CAMTA1: variants seen among roughly 807,000 people sequenced by gnomAD.
The protein encoded by CAMTA1 is calmodulin binding transcription activator 1.
In CAMTA1, 27 loss-of-function variants were observed where a neutral mutation model predicts 170.9. The ratio of observed to expected loss-of-function variants is 0.16; its 90% CI spans 0.12 to 0.22. The LOEUF (loss-of-function observed/expected upper bound fraction) is 0.22. Among genes scored for constraint, CAMTA1 ranks in the 10% least tolerant of loss-of-function variants. The pLI, the probability that CAMTA1 is intolerant of heterozygous loss-of-function variation, is 1.00. For synonymous variants in CAMTA1, 833 were observed against 891.5 expected, an observed-to-expected ratio of 0.93 and a Z score of 1.17; for missense variants, 1,619 against 2,217.2, an observed-to-expected ratio of 0.73 and a Z score of 5.42.
chr1:6,984,480 G>A (rs114363944), intron 3 of CAMTA1, among the ~76,000 whole-genome samples: 2,381 of 152,074 alleles, frequency 0.016, 33 homozygotes, highest in African/African-American at 0.035. Context: ...GGTGTGGGGT[G>A]GTGCGGGGCT....
chr1:6,998,296 G>T (rs955456233), intron 3 of CAMTA1, among the ~76,000 whole-genome samples: 2 of 151,866 alleles, frequency 1.3e-5, no homozygotes, highest in African/African-American at 2.4e-5. Flanking sequence ...TGGCCAGGCT[G>T]GTCTGACCTC....
At chr1:7,704,985 G>A (rs1378516457) in intron 11 of CAMTA1, among the ~76,000 whole-genome samples, 1 of 78,666 alleles carries the variant, frequency 1.3e-5, no homozygotes, top group Admixed American at 1.2e-4. Flanking sequence ...GGGCGGGGCC[G>A]GGGCGTGGGG....
intron 3 of CAMTA1, among the ~76,000 whole-genome samples, chr1:6,841,645 G>C (rs1046193437): frequency 6.6e-6 from 1 of 152,194 alleles, no homozygotes; most frequent in Non-Finnish European, 1.5e-5. Flanking sequence ...ACAGCTCTGA[G>C]AGGATGAAAT....
intron 3 of CAMTA1, among the ~76,000 whole-genome samples, chr1:7,001,785 T>C (rs1041529600): frequency 1.3e-5 from 2 of 152,278 alleles, no homozygotes; most frequent in African/African-American, 4.8e-5. Context: ...GAGGAACGGC[T>C]GTGCCACCTT....
At chr1:7,185,110 A>G (rs192397906) in intron 4 of CAMTA1, among the ~76,000 whole-genome samples, 23 of 152,346 alleles carry the variant, frequency 1.5e-4, no homozygotes, top group African/African-American at 5.1e-4. Flanking sequence ...AAGGTATAGA[A>G]GGCTAGAATT....
chr1:7,086,976 G>C (rs1247761997), intron 3 of CAMTA1, among the ~76,000 whole-genome samples: 6 of 152,228 alleles, frequency 3.9e-5, no homozygotes, highest in African/African-American at 1.4e-4. Flanking sequence ...TGTTTGAGGG[G>C]CTGCAAGTGC....
At chr1:7,414,907 T>C (rs1414326296) in intron 5 of CAMTA1, among the ~76,000 whole-genome samples, 1 of 152,084 alleles carries the variant, frequency 6.6e-6, no homozygotes, top group African/African-American at 2.4e-5. Flanking sequence ...GTGCTATAAA[T>C]TTCCCTCTAC....
intron 3 of CAMTA1, among the ~76,000 whole-genome samples, chr1:6,922,394 G>A (rs2149328671): frequency 1.3e-5 from 1 of 75,996 alleles, no homozygotes; most frequent in African/African-American, 4.9e-5. Context: ...TCTGGGGCTG[G>A]CCCAAGCAGC....
At chr1:7,058,989 T>C (rs953687073) in intron 3 of CAMTA1, among the ~76,000 whole-genome samples, 3 of 152,148 alleles carry the variant, frequency 2.0e-5, no homozygotes, top group African/African-American at 7.2e-5. Context: ...CCCACAGACC[T>C]GAGTTCGTGG....
chr1:6,951,965 C>G (rs888197906), intron 3 of CAMTA1, among the ~76,000 whole-genome samples: 4 of 152,198 alleles, frequency 2.6e-5, no homozygotes, highest in African/African-American at 9.7e-5. Context: ...TGGCTTCCTG[C>G]TGCTCCCTTG....
chr1:7,413,037 C>G (rs1157588829), intron 5 of CAMTA1, among the ~76,000 whole-genome samples: 6 of 150,408 alleles, frequency 4.0e-5, no homozygotes, highest in South Asian at 4.2e-4. Context: ...GCTTGTTTTT[C>G]TCAGGTTTGT....
chr1:7,441,079 A>G (rs2092517299), intron 5 of CAMTA1: 1 of 152,146 alleles, frequency 6.6e-6, no homozygotes, highest in Non-Finnish European at 1.5e-5. Context: ...CTTACCCCCA[A>G]GTGCTCACCT....
chr1:7,702,479 C>G (rs1324179787), intron 11 of CAMTA1, among the ~76,000 whole-genome samples: 1 of 152,154 alleles, frequency 6.6e-6, no homozygotes. Context: ...CTTTAGAGTA[C>G]AGAGGCAGGC....
chr1:7,393,690 C>A lies in CAMTA1; in HGVS notation c.439-74140C>A, dbSNP rs958595993. 1.2e-4 allele frequency among the ~76,000 whole-genome samples: 19 copies of A among 152,164 alleles called. 1 individual carries two copies. Among genetic ancestry groups the A allele is most frequent in the Non-Finnish European group, 2.2e-4 (15 of 68,030 alleles). On this transcript the variant is annotated intron_variant, in intron 5 of 22. Coordinates refer to ENST00000303635, the MANE Select transcript of CAMTA1 (RefSeq NM_015215.4). ...GCATATTTAGCACCTCACACATATACCATTTCTTTGAGGTGAAAACATTTA... is the reference window on the plus strand; with the variant it reads ...GCATATTTAGCACCTCACACATATAACATTTCTTTGAGGTGAAAACATTTA...
chr1:7,646,783 A>G (rs1012734493), intron 7 of CAMTA1, among the ~76,000 whole-genome samples: 2 of 149,072 alleles, frequency 1.3e-5, no homozygotes, highest in Non-Finnish European at 3.0e-5. Context: ...GTTGGAATGG[A>G]GGCCCTAGTG....
intron 3 of CAMTA1, among the ~76,000 whole-genome samples, chr1:6,960,442 C>T (rs930203529): frequency 1.2e-4 from 18 of 152,096 alleles, no homozygotes; most frequent in Admixed American, 1.3e-4. Flanking sequence ...CCCCTCCTCC[C>T]GGTGGCTGGA....
intron 5 of CAMTA1, among the ~76,000 whole-genome samples, chr1:7,346,322 A>T (rs1320987703): frequency 6.6e-6 from 1 of 152,110 alleles, no homozygotes; most frequent in Non-Finnish European, 1.5e-5. Flanking sequence ...GGAAGGGGTA[A>T]TCAGTGCCTA....
chr1:7,689,239 C>A lies in CAMTA1; in HGVS notation c.2914+11506C>A, dbSNP rs187653845. ...CCAAGACCACACCATTGCACTCCAA[C>A]CTGGATGACAAAAGTGAAACTCCTT... On this transcript the variant is annotated intron_variant, in intron 11 of 22. Transcript: ENST00000303635. Among the ~76,000 whole-genome samples the A allele has an allele frequency of 3.1e-3, 436 of 138,664 alleles. 5 individuals are homozygous for A. Among genetic ancestry groups the A allele is most frequent in the Middle Eastern group, 0.022 (5 of 224 alleles). 91.0% of individuals were successfully genotyped at this position (138,664 alleles called of 152,430 possible).
intron 17 of CAMTA1, among the ~76,000 whole-genome samples, 183 bp downstream of exon 17, chr1:7,745,205 A>AT (rs1219298403): frequency 4.0e-5 from 6 of 151,758 alleles, no homozygotes; most frequent in Non-Finnish European, 8.8e-5. Flanking sequence ...CTCTCCCATT[A>AT]TTTTTTTTAC....
Sources: gnomAD v4.1 joint callset for allele counts (sites outside exome capture counted in the v4.1 genomes callset) on GRCh38, gnomAD v4.1.1 for gene constraint, MANE v1.5 for transcripts, NCBI Gene and HGNC (gene_info 2026-07-23, HGNC 2026-07-21) for gene names.